Variants in ZBTB7B observed in about 807,000 individuals in gnomAD.
ZBTB7B encodes the protein zinc finger and BTB domain containing 7B, also known as zinc finger and BTB domain-containing protein 7B.
Under a neutral mutation model 31.0 loss-of-function variants are expected in ZBTB7B, and 8 were observed. The ratio of observed to expected loss-of-function variants is 0.26; its 90% CI spans 0.15 to 0.47. ZBTB7B has a LOEUF of 0.47. Among genes scored for constraint, ZBTB7B ranks in the 20% least tolerant of loss-of-function variants. ZBTB7B has a pLI of 0.99. For synonymous variants in ZBTB7B, 261 were observed against 307.3 expected (o/e 0.85, Z 1.58); for missense variants, 494 against 742.4 (o/e 0.67, Z 3.89).
rs1054609187 is a variant in ZBTB7B, at chr1:155,018,297, G to C, written c.*1612G>C. On this transcript the variant is annotated 3_prime_UTR_variant, in exon 3 of 3. Transcript: ENST00000535420. ...TGGCGGGGAGATCGGGTTGTCCTGG[G>C]CCTCATCTTAGCATTTCAGGTGATG... 6 of 552,930 alleles carry C rather than the reference G, an allele frequency of 1.1e-5. No individual in the cohort carries two copies. In the African/African-American group the frequency reaches 1.1e-4, roughly 10 times the overall value. 34.3% of individuals were successfully genotyped at this position (552,930 alleles called of 1,614,324 possible).
At chr1:155,006,706 T>C (rs1470406484) in intron 1 of ZBTB7B, among the ~76,000 whole-genome samples, 3 of 152,176 alleles carry the variant, frequency 2.0e-5, no homozygotes, top group Admixed American at 6.5e-5. Flanking sequence ...ACCTCATGTC[T>C]CTGGCTTCAG....
chr1:155,012,206 CA>C (rs1352533402), intron 1 of ZBTB7B, among the ~76,000 whole-genome samples: 1 of 152,028 alleles, frequency 6.6e-6, no homozygotes, highest in East Asian at 1.9e-4. Flanking sequence ...ACCAAGTTGC[CA>C]CGGAGACCGG....
Position 155,003,476 on chromosome 1 carries a change from G to T in ZBTB7B, c.-7+533G>T, listed in dbSNP as rs1445274987. ...GGAAAGTTACCGGCTGGACTATTCG[G>T]TTTCTTGCGCTTCCAGAGCCGCGCT... On this transcript the variant is annotated intron_variant, in intron 1 of 2. Transcript: ENST00000535420. The surrounding 1 kb of genome is among the most constrained non-coding windows in gnomAD (Gnocchi z 5.8). Among the ~76,000 whole-genome samples, 1 of 152,180 alleles carries T rather than the reference G, an allele frequency of 6.6e-6. No homozygotes were observed. Among genetic ancestry groups the T allele is most frequent in the Non-Finnish European group, 1.5e-5 (1 of 68,018 alleles).
Position 155,015,690 on chromosome 1 carries a change from A to T in ZBTB7B, c.1030A>T (p.Met344Leu), listed in dbSNP as rs767248110. ...DKLVRKRRSQ[M>L]PQECPVCHKI... is the part of the protein sequence containing the mutation. ...GCTGGTGCGCAAACGCCGCTCCCAG[A>T]TGCCTCAGGAGTGCCCTGTCTGCCA... The change falls in exon 2 of 3, where the codon ATG becomes TTG. Residue 344 changes from methionine to leucine, a missense_variant. Physicochemically the swap from Met to Leu is conservative, Grantham distance 15. Around this residue, in one of 5 missense-constraint regions of ZBTB7B, gnomAD observed 61 missense variants for 170.0 expected, o/e 0.36. Transcript: ENST00000535420. The T allele has an allele frequency of 1.9e-6, 3 of 1,612,726 alleles. No homozygotes were observed. The highest frequency in any genetic ancestry group is 3.3e-5 in the Admixed American group (2 of 60,006).
chr1:155,002,169 A>T (rs1011898466), upstream of ZBTB7B, among the ~76,000 whole-genome samples: 3 of 151,950 alleles, frequency 2.0e-5, no homozygotes, highest in South Asian at 6.2e-4. Context: ...CCCTCCCTGG[A>T]CGAACGCAAG....
Position 155,004,358 on chromosome 1 carries a change from T to A in ZBTB7B, c.-7+1415T>A, listed in dbSNP as rs1286825234. Among the ~76,000 whole-genome samples, 1 of 152,114 alleles carries A rather than the reference T, an allele frequency of 6.6e-6. No homozygotes were observed. The highest frequency in any genetic ancestry group is 1.5e-5 in the Non-Finnish European group (1 of 68,014). ...TTATTCCTGGAGGAGGGAGACCGCTTATCAGGGACGGGGGAACCAGATTGG... is the reference window on the plus strand; with the variant it reads ...TTATTCCTGGAGGAGGGAGACCGCTAATCAGGGACGGGGGAACCAGATTGG... On this transcript the variant is annotated intron_variant, in intron 1 of 2. Transcript: ENST00000535420. The surrounding 1 kb of genome is among the most constrained non-coding windows in gnomAD (Gnocchi z 4.0).
At position 155,003,499 on chromosome 1, in the gene ZBTB7B, G is replaced by T. The variant is rs1428062618; in HGVS notation, c.-7+556G>T. 6.6e-6 allele frequency among the ~76,000 whole-genome samples: 1 copy of T among 152,122 alleles called. No homozygotes were observed. The highest frequency in any genetic ancestry group is 1.5e-5 in the Non-Finnish European group (1 of 68,010). ...CGGTTTCTTGCGCTTCCAGAGCCGC[G>T]CTCTCTCCAGCGGTAGTGGGGCTCA... On this transcript the variant is annotated intron_variant, in intron 1 of 2. Transcript: ENST00000535420. The surrounding 1 kb of genome is among the most constrained non-coding windows in gnomAD (Gnocchi z 5.8).
chr1:155,009,949 G>A (rs1658838323), intron 1 of ZBTB7B, among the ~76,000 whole-genome samples: 1 of 152,070 alleles, frequency 6.6e-6, no homozygotes. Context: ...GGGGTGGAGA[G>A]GATGCGGAGT....
Position 155,017,596 on chromosome 1 carries a change from C to A in ZBTB7B, c.*911C>A. On this transcript the variant is annotated 3_prime_UTR_variant, in exon 3 of 3. Coordinates refer to ENST00000535420, the MANE Select transcript of ZBTB7B (RefSeq NM_001256455.2). ...CTGACTCACGCCGCCCCCGGGCTGG[C>A]GCAGCGAAGGGTGTGGGACAGGGTA... 1 of 153,930 alleles carries A rather than the reference C, an allele frequency of 6.5e-6. No individual in the cohort carries two copies. Among genetic ancestry groups the A allele is most frequent in the South Asian group, 2.0e-4 (1 of 4,996 alleles). The allele number at this position is 153,930 out of a possible 1,614,324, so 9.5% of individuals were successfully genotyped here.
Position 155,015,410 on chromosome 1 carries a change from G to A in ZBTB7B, c.750G>A (p.Pro250=), listed in dbSNP as rs142382342. ...GRVGSSGGSG[P]GDSYSPPTGT... is the part of the protein sequence containing the mutation. The stretch of plus-strand genomic sequence containing the variant: ...TGGGCAGCAGTGGGGGCAGTGGGCC[G>A]GGGGACAGCTACAGCCCTCCCACAG... The change falls in exon 2 of 3, where the codon CCG becomes CCA. Residue 250 remains proline (P), a synonymous_variant. Transcript: ENST00000535420. 8.7e-5 allele frequency: 136 copies of A among 1,569,670 alleles called. No individual in the cohort carries two copies. Among genetic ancestry groups the A allele is most frequent in the Middle Eastern group, 1.7e-4 (1 of 5,792 alleles).
Position 155,017,352 on chromosome 1 carries a change from G to GCAGTAGAGGGGCCCCGCC in ZBTB7B, c.*671_*688dup, listed in dbSNP as rs1553257667. ...CTGATTGGCTCGCCTGCCCCTGGGG[G>GCAGTAGAGGGGCCCCGCC]CAGTAGAGGGGCCCCGCCCAGCTAG... On this transcript the variant is annotated 3_prime_UTR_variant, in exon 3 of 3. Coordinates refer to ENST00000535420, the MANE Select transcript of ZBTB7B (RefSeq NM_001256455.2). 10 of 152,624 alleles carry GCAGTAGAGGGGCCCCGCC rather than the reference G, an allele frequency of 6.6e-5. No homozygotes were observed. Among genetic ancestry groups the GCAGTAGAGGGGCCCCGCC allele is most frequent in the African/African-American group, 2.2e-4 (9 of 41,504 alleles). The allele number at this position is 152,624 out of a possible 1,614,324, so 9.5% of individuals were successfully genotyped here.
chr1:155,001,877 G>A (rs984041274), upstream of ZBTB7B, among the ~76,000 whole-genome samples: 3 of 152,014 alleles, frequency 2.0e-5, no homozygotes. This position sits in a 1 kb window ranked among gnomAD's most constrained non-coding sequence, Gnocchi z 4.8. Flanking sequence ...GTAGGGGCCG[G>A]AGCCGAAGGC....
rs1658380072 is a variant in ZBTB7B, at chr1:155,003,601, A to G, written c.-7+658A>G. 6.6e-6 allele frequency among the ~76,000 whole-genome samples: 1 copy of G among 152,132 alleles called. No individual in the cohort carries two copies. The highest frequency in any genetic ancestry group is 6.5e-5 in the Admixed American group (1 of 15,278). On this transcript the variant is annotated intron_variant, in intron 1 of 2. Transcript: ENST00000535420. The surrounding 1 kb of genome is among the most constrained non-coding windows in gnomAD (Gnocchi z 5.8). ...ATCCCACTCCCTTCCTTCAGGCTCCAGTCCCGCCGCTACCTTTTCCACGCC... is the reference window on the plus strand; with the variant it reads ...ATCCCACTCCCTTCCTTCAGGCTCCGGTCCCGCCGCTACCTTTTCCACGCC...
chr1:155,011,038 A>AG (rs757154964), intron 1 of ZBTB7B: 24 of 1,519,910 alleles, frequency 1.6e-5, no homozygotes, highest in African/African-American at 5.5e-5. Flanking sequence ...GAACCTGGGG[A>AG]GGGGGGGCTC....
chr1:155,006,069 GCTT>G (rs1344315647), intron 1 of ZBTB7B, among the ~76,000 whole-genome samples: 1 of 152,218 alleles, frequency 6.6e-6, no homozygotes, highest in Non-Finnish European at 1.5e-5. Flanking sequence ...AGGAAAAGTG[GCTT>G]CAAAGCAGGT....
At chr1:155,014,534 G>A in intron 1 of ZBTB7B, 121 bp from the exon 2 acceptor site, 1 of 826,306 alleles carries the variant, frequency 1.2e-6, no homozygotes, top group South Asian at 1.7e-5. Flanking sequence ...TGAGTGTAAA[G>A]TACTCAGAAG....
At chr1:155,005,198 G>T (rs1160496623) in intron 1 of ZBTB7B, among the ~76,000 whole-genome samples, 1 of 152,100 alleles carries the variant, frequency 6.6e-6, no homozygotes, top group East Asian at 1.9e-4. Context: ...AAGGGTGGGG[G>T]AGGGGGCCCA....
chr1:155,011,814 C>A (rs987032329), intron 1 of ZBTB7B, among the ~76,000 whole-genome samples: 2 of 152,226 alleles, frequency 1.3e-5, no homozygotes, highest in African/African-American at 4.8e-5. Context: ...GGCACCCTGG[C>A]ACCAGTGCCC....
At chr1:155,006,060 G>A (rs940345964) in intron 1 of ZBTB7B, among the ~76,000 whole-genome samples, 12 of 152,186 alleles carry the variant, frequency 7.9e-5, no homozygotes, top group Non-Finnish European at 1.6e-4. Context: ...GGGGAGCCCA[G>A]GAAAAGTGGC....
Sources: gnomAD v4.1 joint callset for allele counts (sites outside exome capture counted in the v4.1 genomes callset) on GRCh38, gnomAD v4.1.1 for gene constraint, gnomAD v4.1.1 regional missense constraint, Gnocchi (gnomAD v3.1) non-coding constraint, MANE v1.5 for transcripts, NCBI Gene and HGNC (gene_info 2026-07-23, HGNC 2026-07-21) for gene names.